SLC26A7: variants seen among roughly 807,000 people sequenced by gnomAD.
The protein encoded by SLC26A7 is solute carrier family 26 member 7.
SLC26A7 carries 59 observed loss-of-function variants against 82.5 expected under a neutral mutation model. The ratio of observed to expected loss-of-function variants is 0.72; its 90% CI spans 0.58 to 0.89. The LOEUF is 0.89. SLC26A7 is among the 40% of genes least tolerant of loss of function. The pLI, the probability that SLC26A7 is intolerant of heterozygous loss-of-function variation, is 0.00. For synonymous variants in SLC26A7, 271 were observed against 274.3 expected, an observed-to-expected ratio of 0.99 and a Z score of 0.12; for missense variants, 820 against 793.0, an observed-to-expected ratio of 1.03 and a Z score of -0.41.
At chr8:91,373,535 A>G (rs1814424560) in intron 15 of SLC26A7, among the ~76,000 whole-genome samples, 1 of 151,916 alleles carries the variant, frequency 6.6e-6, no homozygotes, top group Non-Finnish European at 1.5e-5. Context: ...TTATTGATTT[A>G]TAAATGTTGA....
chr8:91,248,635 C>T (rs1254426181), upstream of SLC26A7, among the ~76,000 whole-genome samples: 1 of 151,810 alleles, frequency 6.6e-6, no homozygotes, highest in African/African-American at 2.4e-5. Context: ...AAATGTAACA[C>T]CCCTTATTAA....
chr8:91,265,043 C>T (rs1347543695), intron 2 of SLC26A7, among the ~76,000 whole-genome samples: 1 of 151,986 alleles, frequency 6.6e-6, no homozygotes, highest in Non-Finnish European at 1.5e-5. Flanking sequence ...ACTCCCTCTC[C>T]CCCATCCCCT....
intron 4 of SLC26A7, among the ~76,000 whole-genome samples, chr8:91,296,639 A>C (rs1484736094): frequency 6.6e-6 from 1 of 152,242 alleles, no homozygotes; most frequent in African/African-American, 2.4e-5. Context: ...GAAAGAATTA[A>C]GGATGTAAAA....
At chr8:91,332,991 A>G (rs1813136360) in intron 5 of SLC26A7, among the ~76,000 whole-genome samples, 1 of 152,156 alleles carries the variant, frequency 6.6e-6, no homozygotes, top group African/African-American at 2.4e-5. Context: ...CCAGACAACA[A>G]AATTCCAGGT....
chr8:91,358,012 C>T (rs1282740880), intron 11 of SLC26A7, among the ~76,000 whole-genome samples: 3 of 152,310 alleles, frequency 2.0e-5, no homozygotes, highest in South Asian at 4.1e-4. Context: ...TGAAAAAATA[C>T]TCATCATCAC....
rs189189795 is a variant in SLC26A7 at position 91,222,185 on chromosome 8, G to C, written c.-34+3180G>C. Among the ~76,000 whole-genome samples the C allele has an allele frequency of 3.9e-5, 6 of 152,184 alleles. No homozygotes were observed. In the East Asian group the frequency reaches 1.2e-3, roughly 29 times the overall value. On this transcript the variant is annotated intron_variant, in intron 2 of 5. Transcript: ENST00000522862. ...TTGGTTCTCTGCTTGTCTATTATTG[G>C]TGTATAGGAATGCTTGTGATTTTTG...
chr8:91,295,674 G>A lies in SLC26A7; in HGVS notation c.448G>A (p.Ala150Thr), dbSNP rs931667469. The A allele has an allele frequency of 6.2e-7, 1 of 1,614,052 alleles. No individual in the cohort carries two copies. The highest frequency in any genetic ancestry group is 8.5e-7 in the Non-Finnish European group (1 of 1,179,944). ...FEMQRIHVAA[A>T]VSFLGGVIQV... is the part of the protein sequence containing the mutation. ...AATGCAAAGGATCCACGTTGCTGCA[G>A]CAGTTTCCTTCTTGGGAGGTGTGAT... is the stretch of plus-strand genomic sequence containing the variant. The change falls in exon 4 of 19, where the codon GCA becomes ACA. Residue 150 changes from alanine to threonine, a missense_variant. Physicochemically the swap from Ala to Thr is moderately conservative, Grantham distance 58. Coordinates refer to ENST00000276609, the MANE Select transcript of SLC26A7 (RefSeq NM_052832.4).
At chr8:91,300,107 T>G (rs1322518104) in intron 4 of SLC26A7, among the ~76,000 whole-genome samples, 1 of 152,208 alleles carries the variant, frequency 6.6e-6, no homozygotes, top group African/African-American at 2.4e-5. Context: ...TGATTTGTCC[T>G]GTCCAAGAAC....
rs1380994649 is a variant in SLC26A7, at chr8:91,393,809, T to C, written c.1789T>C (p.Cys597Arg). Residue 597 changes from cysteine to arginine, a missense_variant, in exon 17 of 19, where the codon TGT becomes CGT. Transcript: ENST00000276609. ...TTAATTCTTCCAGGTTTACATGGAC[T>C]GTAAAGGCAGGAGTGTGGATGTATT... is the stretch of plus-strand genomic sequence containing the variant. Reference protein sequence around the residue: ...VSMLVEVYMDCKGRSVDVLLA... With the variant: ...VSMLVEVYMDRKGRSVDVLLA... 1 of 1,613,628 alleles carries C rather than the reference T, an allele frequency of 6.2e-7. No individual in the cohort carries two copies. The highest frequency in any genetic ancestry group is 1.1e-5 in the South Asian group (1 of 91,056).
chr8:91,321,447 A>C (rs1165388480), intron 5 of SLC26A7, among the ~76,000 whole-genome samples: 2 of 152,204 alleles, frequency 1.3e-5, no homozygotes, highest in African/African-American at 4.8e-5. Flanking sequence ...AAAGTTGTTA[A>C]AGAGTTTCCT....
chr8:91,242,893 CAG>C (rs1310580132), intron 2 of SLC26A7, among the ~76,000 whole-genome samples: 1 of 152,076 alleles, frequency 6.6e-6, no homozygotes. Context: ...TTGATAATAA[CAG>C]AATCATATTA....
intron 2 of SLC26A7, among the ~76,000 whole-genome samples, chr8:91,258,405 C>A (rs533627049): frequency 6.7e-6 from 1 of 148,668 alleles, no homozygotes; most frequent in African/African-American, 2.5e-5. Context: ...GTCACCCCCC[C>A]ATCTACACAG....
upstream of SLC26A7, among the ~76,000 whole-genome samples, chr8:91,247,164 C>A (rs576068933): frequency 6.6e-6 from 1 of 152,220 alleles, no homozygotes; most frequent in South Asian, 2.1e-4. Flanking sequence ...GTGATGTAAT[C>A]AAAATGAGAT....
chr8:91,346,739 T>G (rs1813574127), intron 9 of SLC26A7, among the ~76,000 whole-genome samples: 1 of 152,190 alleles, frequency 6.6e-6, no homozygotes, highest in Non-Finnish European at 1.5e-5. Context: ...TTCAGACATT[T>G]CTGCTGTCTA....
chr8:91,325,814 A>C (rs1038931854), intron 5 of SLC26A7, among the ~76,000 whole-genome samples: 1 of 152,188 alleles, frequency 6.6e-6, no homozygotes, highest in African/African-American at 2.4e-5. Context: ...TAAAATGTGC[A>C]CGTGTTTGTC....
chr8:91,243,404 G>A (rs1052457080), intron 2 of SLC26A7, among the ~76,000 whole-genome samples: 3 of 152,248 alleles, frequency 2.0e-5, no homozygotes, highest in Non-Finnish European at 2.9e-5. Flanking sequence ...AGATTGTCCC[G>A]TCCCATCTTC....
intron 11 of SLC26A7, among the ~76,000 whole-genome samples, chr8:91,353,901 G>A (rs1292720033): frequency 6.6e-6 from 1 of 152,010 alleles, no homozygotes; most frequent in Admixed American, 6.6e-5. Context: ...AGTGGACATA[G>A]AAACACTAAA....
At chr8:91,239,395 A>AATATATATATATAT (rs1554600120) in intron 2 of SLC26A7, among the ~76,000 whole-genome samples, 5 of 94,854 alleles carry the variant, frequency 5.3e-5, no homozygotes, top group African/African-American at 1.4e-4. Flanking sequence ...AAAAAAAAAA[A>AATATATATATATAT]ATATATATAT....
At chr8:91,297,531 C>A (rs767554795) in intron 4 of SLC26A7, among the ~76,000 whole-genome samples, 2 of 152,200 alleles carry the variant, frequency 1.3e-5, no homozygotes, top group Non-Finnish European at 1.5e-5. Context: ...CATGTAAAAT[C>A]TGATTCAGAG....
Sources: gnomAD v4.1 joint callset for allele counts (sites outside exome capture counted in the v4.1 genomes callset) on GRCh38, gnomAD v4.1.1 for gene constraint, MANE v1.5 for transcripts, NCBI Gene and HGNC (gene_info 2026-07-23, HGNC 2026-07-21) for gene names.